The following KCNAB1 variants were observed in gnomAD, a reference collection of about 807,000 sequenced individuals.
KCNAB1 encodes potassium voltage-gated channel subfamily A regulatory beta subunit 1.
A neutral mutation model predicts 64.6 loss-of-function variants in KCNAB1; 35 were observed. The observed-to-expected ratio is 0.54, with a 90% CI of 0.41 to 0.72. The LOEUF is 0.72. Among genes scored for constraint, KCNAB1 ranks in the 30% least tolerant of loss-of-function variants. The pLI is 0.00. For missense variants in KCNAB1, 401 were observed against 512.9 expected, an observed-to-expected ratio of 0.78 and a Z score of 2.11; for synonymous variants, 177 against 183.8, an observed-to-expected ratio of 0.96 and a Z score of 0.30.
At chr3:156,122,007 A>G (rs1291121011) in intron 1 of KCNAB1, among the ~76,000 whole-genome samples, 1 of 152,248 alleles carries the variant, frequency 6.6e-6, no homozygotes, top group Non-Finnish European at 1.5e-5. Context: ...CAATAAATAG[A>G]TATTTTAAAA....
chr3:156,169,347 T>G (rs1711813336), intron 1 of KCNAB1, among the ~76,000 whole-genome samples: 1 of 152,182 alleles, frequency 6.6e-6, no homozygotes. Context: ...ATGGAAACCA[T>G]ATGCAATGTT....
chr3:156,223,887 T>G (rs1329850178), intron 1 of KCNAB1, among the ~76,000 whole-genome samples: 2 of 152,250 alleles, frequency 1.3e-5, no homozygotes, highest in African/African-American at 4.8e-5. Context: ...TGAAGCTGCC[T>G]GCCAGTCCTG....
chr3:156,404,533 A>C (rs142716281), intron 1 of KCNAB1, among the ~76,000 whole-genome samples: 308 of 152,336 alleles, frequency 2.0e-3, no homozygotes, highest in African/African-American at 6.9e-3. Context: ...TAGGTAAAGA[A>C]TCTAAAGCTC....
intron 1 of KCNAB1, among the ~76,000 whole-genome samples, chr3:156,184,647 G>A (rs1191440910): frequency 6.6e-6 from 1 of 152,222 alleles, no homozygotes; most frequent in Non-Finnish European, 1.5e-5. Flanking sequence ...TTTAAAAACA[G>A]TCTTCATAAA....
chr3:156,349,278 C>T (rs762176105), intron 1 of KCNAB1, among the ~76,000 whole-genome samples: 19 of 152,148 alleles, frequency 1.2e-4, no homozygotes, highest in Admixed American at 2.6e-4. Context: ...CATGTTCCCA[C>T]CACTGATGGA....
chr3:156,314,346 A>G (rs911898148), intron 1 of KCNAB1, among the ~76,000 whole-genome samples: 3 of 152,230 alleles, frequency 2.0e-5, no homozygotes, highest in African/African-American at 7.2e-5. Context: ...CATGTTACCA[A>G]GTGCTGATGT....
chr3:156,413,733 G>A (rs955545960), intron 1 of KCNAB1, among the ~76,000 whole-genome samples: 27 of 152,178 alleles, frequency 1.8e-4, no homozygotes, highest in Admixed American at 1.1e-3. Flanking sequence ...ACAGCAAAGC[G>A]ATAGCATTAC....
intron 1 of KCNAB1, among the ~76,000 whole-genome samples, chr3:156,264,018 A>G (rs1361541399): frequency 6.6e-6 from 1 of 152,102 alleles, no homozygotes; most frequent in Non-Finnish European, 1.5e-5. Flanking sequence ...AAAATCGCCA[A>G]GAAGAAGTGT....
chr3:156,276,920 T>G (rs1719383240), intron 1 of KCNAB1, among the ~76,000 whole-genome samples: 1 of 152,232 alleles, frequency 6.6e-6, no homozygotes, highest in Admixed American at 6.5e-5. Context: ...CAGGAATTTT[T>G]CCTTTGCATT....
chr3:156,312,853 TG>T (rs1187822586), intron 1 of KCNAB1, among the ~76,000 whole-genome samples: 2 of 152,176 alleles, frequency 1.3e-5, no homozygotes, highest in East Asian at 3.8e-4. Context: ...CCCCAAGGTT[TG>T]TGGAAATTTC....
chr3:156,396,152 T>C (rs540428777), intron 1 of KCNAB1, among the ~76,000 whole-genome samples: 38 of 152,328 alleles, frequency 2.5e-4, no homozygotes, highest in Admixed American at 6.5e-4. Context: ...ACAGGACTTA[T>C]TTGTTTTTCT....
chr3:156,534,126 G>A (rs897927614), intron 13 of KCNAB1, among the ~76,000 whole-genome samples: 1 of 152,080 alleles, frequency 6.6e-6, no homozygotes, highest in Admixed American at 6.5e-5. Flanking sequence ...CACCCAAGAC[G>A]AGTTGTGATT....
chr3:156,276,059 A>G (rs1389297946), intron 1 of KCNAB1, among the ~76,000 whole-genome samples: 1 of 152,222 alleles, frequency 6.6e-6, no homozygotes, highest in African/African-American at 2.4e-5. Context: ...TTCCTAAATA[A>G]TAAGACTTGA....
intron 1 of KCNAB1, among the ~76,000 whole-genome samples, chr3:156,214,007 C>T (rs1279267065): frequency 1.3e-5 from 2 of 152,016 alleles, no homozygotes; most frequent in Non-Finnish European, 2.9e-5. Context: ...CTTAAAAATC[C>T]CTAAATGAAG....
At chr3:156,132,187 C>G (rs1354239942) in intron 1 of KCNAB1, among the ~76,000 whole-genome samples, 1 of 152,206 alleles carries the variant, frequency 6.6e-6, no homozygotes, top group Non-Finnish European at 1.5e-5. Flanking sequence ...CCTTTACTTT[C>G]AATGTTATTC....
intron 1 of KCNAB1, among the ~76,000 whole-genome samples, chr3:156,264,093 T>A (rs1305506926): frequency 6.6e-6 from 1 of 152,124 alleles, no homozygotes; most frequent in Non-Finnish European, 1.5e-5. Flanking sequence ...TGTCTATAAG[T>A]CCATATATAC....
At position 156,301,607 on chromosome 3, in the gene KCNAB1, G is replaced by A. The variant is rs548992699; in HGVS notation, c.276-120009G>A. On this transcript the variant is annotated intron_variant, in intron 1 of 13. Transcript: ENST00000490337. ...GGAAATCCATGGTCTAACATACAAC[G>A]TCTCACTCAATAATGGCTTATATTT... Among the ~76,000 whole-genome samples the A allele has an allele frequency of 2.0e-5, 3 of 152,250 alleles. 1 individual carries two copies. In the South Asian group the frequency reaches 6.2e-4, roughly 32 times the overall value.
At chr3:156,392,148 A>T (rs2108170863) in intron 1 of KCNAB1, among the ~76,000 whole-genome samples, 1 of 151,912 alleles carries the variant, frequency 6.6e-6, no homozygotes, top group Non-Finnish European at 1.5e-5. Context: ...GCCACCAACC[A>T]CTGTAACATC....
At chr3:156,299,287 A>G (rs1017505705) in intron 1 of KCNAB1, among the ~76,000 whole-genome samples, 1 of 152,286 alleles carries the variant, frequency 6.6e-6, no homozygotes, top group African/African-American at 2.4e-5. Context: ...CCAAGCTTTT[A>G]TCTCTGGAAG....
Sources: gnomAD v4.1 joint callset for allele counts (sites outside exome capture counted in the v4.1 genomes callset) on GRCh38, gnomAD v4.1.1 for gene constraint, MANE v1.5 for transcripts, NCBI Gene and HGNC (gene_info 2026-07-23, HGNC 2026-07-21) for gene names.